Variants in CPPED1 observed in about 807,000 individuals in gnomAD.
CPPED1 encodes serine/threonine-protein phosphatase CPPED1.
A neutral mutation model predicts 28.0 loss-of-function variants in CPPED1; 28 were observed. The ratio of observed to expected loss-of-function variants is 1.00; its 90% CI spans 0.74 to 1.37. The LOEUF is 1.37. Among genes scored for constraint, CPPED1 ranks in the 40% most tolerant of loss-of-function variants. The pLI is 0.00. For missense variants in CPPED1, 504 were observed against 416.5 expected, an observed-to-expected ratio of 1.21 and a Z score of -1.83; for synonymous variants, 198 against 180.2, an observed-to-expected ratio of 1.10 and a Z score of -0.79.
intron 2 of CPPED1, among the ~76,000 whole-genome samples, chr16:12,707,807 T>C (rs1209399604): frequency 6.6e-6 from 1 of 151,968 alleles, no homozygotes; most frequent in Non-Finnish European, 1.5e-5. Flanking sequence ...CAGTAATCTG[T>C]TAAAAAAAAA....
At chr16:12,772,023 T>G (rs992352849) in intron 2 of CPPED1, among the ~76,000 whole-genome samples, 2 of 152,102 alleles carry the variant, frequency 1.3e-5, no homozygotes, top group Non-Finnish European at 2.9e-5. Context: ...CTTGGGAGGC[T>G]GAGGCAGGAG....
At position 12,766,277 on chromosome 16, in the gene CPPED1, G is replaced by GAGAGAGAGA. The variant is rs1567301044; in HGVS notation, c.289+14907_289+14908insTCTCTCTCT. 1.8e-4 allele frequency among the ~76,000 whole-genome samples: 22 copies of GAGAGAGAGA among 119,948 alleles called. 3 individuals carry two copies. Among genetic ancestry groups the GAGAGAGAGA allele is most frequent in the African/African-American group, 7.8e-4 (20 of 25,540 alleles). 78.7% of individuals were successfully genotyped at this position (119,948 alleles called of 152,430 possible). A position where few individuals can be genotyped will look rare whatever the true frequency, so the allele number is the denominator to read the frequency against. ...TATATAGAGAGAGAGAGAGAGAGAG[G>GAGAGAGAGA]GAGAGAGAGAGAGAGAAAGAGAGAG... On this transcript the variant is annotated intron_variant, in intron 2 of 3. Transcript: ENST00000381774.
intron 3 of CPPED1, among the ~76,000 whole-genome samples, chr16:12,685,952 G>A (rs912702057): frequency 2.6e-5 from 4 of 152,198 alleles, no homozygotes; most frequent in Admixed American, 2.0e-4. Flanking sequence ...GAGAAGTCCA[G>A]CCTAAGGAAT....
chr16:12,703,474 G>C (rs2080030928), intron 3 of CPPED1, among the ~76,000 whole-genome samples: 1 of 152,126 alleles, frequency 6.6e-6, no homozygotes, highest in Non-Finnish European at 1.5e-5. Flanking sequence ...TTGGGGTCAG[G>C]AGTTTGGAAC....
At chr16:12,792,803 CCTTT>C (rs1444970848) in intron 1 of CPPED1, among the ~76,000 whole-genome samples, 1 of 152,182 alleles carries the variant, frequency 6.6e-6, no homozygotes, top group African/African-American at 2.4e-5. Context: ...CTTTGCTCTT[CCTTT>C]GTCTTCCCCC....
chr16:12,685,964 G>C (rs2079930611), intron 3 of CPPED1, among the ~76,000 whole-genome samples: 1 of 152,170 alleles, frequency 6.6e-6, no homozygotes. Flanking sequence ...CTAAGGAATG[G>C]GTCATGACAG....
intron 1 of CPPED1, among the ~76,000 whole-genome samples, chr16:12,790,887 T>C (rs1410926796): frequency 2.9e-4 from 38 of 128,956 alleles, no homozygotes; most frequent in African/African-American, 1.2e-3. Context: ...ACCACTGCAC[T>C]CCAGCCTGGT....
intron 2 of CPPED1, among the ~76,000 whole-genome samples, chr16:12,733,534 C>G (rs1050277160): frequency 6.6e-6 from 1 of 152,184 alleles, no homozygotes; most frequent in Admixed American, 6.5e-5. Context: ...CTTGGCCTCC[C>G]AAAGTGCTGG....
intron 3 of CPPED1, among the ~76,000 whole-genome samples, chr16:12,679,746 A>G (rs537610217): frequency 1.3e-5 from 2 of 152,268 alleles, no homozygotes; most frequent in East Asian, 3.9e-4. Context: ...ACCCCAAAAC[A>G]TGGCACTTTG....
At chr16:12,779,150 T>C (rs994111490) in intron 2 of CPPED1, among the ~76,000 whole-genome samples, 1 of 152,188 alleles carries the variant, frequency 6.6e-6, no homozygotes, top group Non-Finnish European at 1.5e-5. Flanking sequence ...ATAATTCCAG[T>C]GAGCCCTATA....
chr16:12,746,076 C>T (rs1008846597), intron 2 of CPPED1: 3 of 152,066 alleles, frequency 2.0e-5, no homozygotes, highest in Non-Finnish European at 2.9e-5. Context: ...AATTGTCACG[C>T]TACAATTCTA....
chr16:12,687,444 A>G (rs1036770313), intron 3 of CPPED1, among the ~76,000 whole-genome samples: 4 of 152,256 alleles, frequency 2.6e-5, no homozygotes, highest in Admixed American at 2.0e-4. Context: ...GGGCTTGGCC[A>G]GGGATTTGGC....
chr16:12,667,202 C>G (rs1293140779), intron 3 of CPPED1, among the ~76,000 whole-genome samples: 1 of 152,132 alleles, frequency 6.6e-6, no homozygotes, highest in Admixed American at 6.5e-5. Flanking sequence ...GGAGAAATCA[C>G]GTGGTAAAAT....
rs2079788958 is a variant in CPPED1, at chr16:12,660,643, G to C, written c.*4243C>G. On this transcript the variant is annotated 3_prime_UTR_variant, in exon 4 of 4. Coordinates refer to ENST00000381774, the MANE Select transcript of CPPED1 (RefSeq NM_018340.3). ...CTATGTTACATGTGCAATCAAAACT[G>C]TTGAGGTTACCTGAATAAAAAAAAT... is the stretch of plus-strand genomic sequence containing the variant. 1 of 152,088 alleles carries C rather than the reference G, an allele frequency of 6.6e-6. No homozygotes were observed. Among genetic ancestry groups the C allele is most frequent in the Non-Finnish European group, 1.5e-5 (1 of 68,018 alleles). 9.4% of individuals were successfully genotyped at this position (152,088 alleles called of 1,614,324 possible). A position where few individuals can be genotyped will look rare whatever the true frequency, so the allele number is the denominator to read the frequency against.
At chr16:12,665,366 C>A (rs2141163270) in intron 3 of CPPED1, among the ~76,000 whole-genome samples, 1 of 151,930 alleles carries the variant, frequency 6.6e-6, no homozygotes, top group East Asian at 1.9e-4. Context: ...ATAACTTGTA[C>A]AAAGACGTAC....
chr16:12,754,624 C>T (rs927002324), intron 2 of CPPED1, among the ~76,000 whole-genome samples: 1 of 152,210 alleles, frequency 6.6e-6, no homozygotes, highest in African/African-American at 2.4e-5. Flanking sequence ...AGGACCTTCT[C>T]CACAGCTGAC....
rs2079802549 is a variant in CPPED1, at chr16:12,662,746, G to A, written c.*2140C>T. The A allele has an allele frequency of 6.6e-6, 1 of 152,204 alleles. No homozygotes were observed. Among genetic ancestry groups the A allele is most frequent in the African/African-American group, 2.4e-5 (1 of 41,456 alleles). The allele number at this position is 152,204 out of a possible 1,614,324, so 9.4% of individuals were successfully genotyped here. A position where few individuals can be genotyped will look rare whatever the true frequency, so the allele number is the denominator to read the frequency against. On this transcript the variant is annotated 3_prime_UTR_variant, in exon 4 of 4. Coordinates refer to ENST00000381774, the MANE Select transcript of CPPED1 (RefSeq NM_018340.3). Reference sequence around the variant, plus strand: ...TAGTGGCTGAATAGTATTCCATTATGTATACATACCACATGTTCTTTATCC... The same window carrying A: ...TAGTGGCTGAATAGTATTCCATTATATATACATACCACATGTTCTTTATCC...
At chr16:12,733,239 ATAAATAC>A (rs1392502347) in intron 2 of CPPED1, among the ~76,000 whole-genome samples, 1 of 151,942 alleles carries the variant, frequency 6.6e-6, no homozygotes, top group African/African-American at 2.4e-5. Flanking sequence ...GCAAGATATT[ATAAATAC>A]TAAATGCTGA....
chr16:12,687,242 AAAG>A (rs1366685188), intron 3 of CPPED1, among the ~76,000 whole-genome samples: 1 of 152,192 alleles, frequency 6.6e-6, no homozygotes, highest in African/African-American at 2.4e-5. Context: ...GGTGACTACA[AAAG>A]AATAATGTAA....
Sources: allele counts gnomAD v4.1 joint callset (sites outside exome capture counted in the v4.1 genomes callset), GRCh38; gene constraint gnomAD v4.1.1; transcripts MANE v1.5; gene names NCBI Gene and HGNC (gene_info 2026-07-23, HGNC 2026-07-21).